Variants in ROBO2 observed in about 807,000 individuals in gnomAD.
ROBO2 encodes roundabout homolog 2.
A neutral mutation model predicts 160.8 loss-of-function variants in ROBO2; 53 were observed. That is an observed-to-expected ratio of 0.33 (90% CI 0.26 to 0.41). The LOEUF (loss-of-function observed/expected upper bound fraction) is 0.41, where lower values mean the gene tolerates loss of function less well. Among genes scored for constraint, ROBO2 ranks in the 10% least tolerant of loss-of-function variants. The probability of loss-of-function intolerance (pLI) is 1.00; values close to 1 mark genes in which losing one functional copy is unlikely to be tolerated. For missense variants in ROBO2, 1,577 were observed against 1,722.4 expected (o/e 0.92, Z 1.49); for synonymous variants, 664 against 611.7 (o/e 1.09, Z -1.26).
intron 4 of ROBO2, among the ~76,000 whole-genome samples, chr3:77,488,766 G>A (rs1050371168): frequency 1.3e-5 from 2 of 152,104 alleles, no homozygotes; most frequent in Non-Finnish European, 2.9e-5. Flanking sequence ...TTGGCTTATT[G>A]TAACGGTTGC....
At chr3:76,852,155 C>CT (rs1458057195) in intron 2 of ROBO2, among the ~76,000 whole-genome samples, 1 of 152,090 alleles carries the variant, frequency 6.6e-6, no homozygotes, top group Admixed American at 6.6e-5. Context: ...CATTGGGAAA[C>CT]TTTTTTTACA....
chr3:76,985,425 A>G (rs1240585189), intron 2 of ROBO2, among the ~76,000 whole-genome samples: 1 of 151,706 alleles, frequency 6.6e-6, no homozygotes, highest in Non-Finnish European at 1.5e-5. Flanking sequence ...TACTAAAAAT[A>G]CAAAAAATTA....
chr3:76,106,032 A>G (rs996163211), intron 2 of ROBO2, among the ~76,000 whole-genome samples: 1 of 152,182 alleles, frequency 6.6e-6, no homozygotes, highest in African/African-American at 2.4e-5. Context: ...TAGAGGTTCA[A>G]TATTCTGTGC....
intron 2 of ROBO2, among the ~76,000 whole-genome samples, chr3:77,211,052 T>A (rs1442434216): frequency 6.6e-6 from 1 of 152,160 alleles, no homozygotes; most frequent in Non-Finnish European, 1.5e-5. Context: ...TAAACATATG[T>A]GTGTGTGTGT....
intron 2 of ROBO2, among the ~76,000 whole-genome samples, chr3:76,120,107 C>G (rs558433863): frequency 6.6e-6 from 1 of 152,078 alleles, no homozygotes; most frequent in South Asian, 2.1e-4. Context: ...AGCCATTCTC[C>G]TGCTTCAGGC....
chr3:76,802,494 T>G (rs1177284714), intron 2 of ROBO2, among the ~76,000 whole-genome samples: 1 of 151,914 alleles, frequency 6.6e-6, no homozygotes, highest in Non-Finnish European at 1.5e-5. Context: ...TTTGGGAGGC[T>G]GAGGAGGGCG....
At chr3:77,066,282 T>C (rs2066830291) in intron 1 of ROBO2, among the ~76,000 whole-genome samples, 1 of 152,178 alleles carries the variant, frequency 6.6e-6, no homozygotes, top group Admixed American at 6.6e-5. Flanking sequence ...CAAGATTGCC[T>C]TTACATTCTA....
At position 76,013,223 on chromosome 3, in the gene ROBO2, G is replaced by A. The variant is rs552921679; in HGVS notation, c.109+75621G>A. Among the ~76,000 whole-genome samples the A allele has an allele frequency of 1.9e-4, 28 of 148,904 alleles. No individual in the cohort carries two copies. In the South Asian group the frequency reaches 5.4e-3, roughly 29 times the overall value. ...ATAAAGGCAATTGGTGACTGGTACG[G>A]TGGCTTATGTGTGTAATCCCAGAAG... On this transcript the variant is annotated intron_variant, in intron 2 of 26. Transcript: ENST00000487694.
intron 2 of ROBO2, among the ~76,000 whole-genome samples, chr3:76,261,084 C>A (rs933491206): frequency 1.3e-5 from 2 of 151,624 alleles, no homozygotes; most frequent in African/African-American, 4.8e-5. Flanking sequence ...AGATTTAATT[C>A]AACTTTCAGT....
chr3:77,326,605 G>T (rs2065424509), intron 2 of ROBO2, among the ~76,000 whole-genome samples: 1 of 152,130 alleles, frequency 6.6e-6, no homozygotes, highest in Admixed American at 6.5e-5. Context: ...TTTCTAGAAT[G>T]TGTCTTTGTA....
intron 24 of ROBO2, 66 bp downstream of exon 25, chr3:77,635,109 A>C (rs1435312452): frequency 1.3e-5 from 20 of 1,533,590 alleles, no homozygotes; most frequent in Non-Finnish European, 1.8e-5. Flanking sequence ...TCATTTACTT[A>C]GATTAATGTA....
chr3:76,841,750 C>T (rs931952382), intron 2 of ROBO2, among the ~76,000 whole-genome samples: 1 of 152,252 alleles, frequency 6.6e-6, no homozygotes, highest in African/African-American at 2.4e-5. Flanking sequence ...TCTAAATCCT[C>T]AAGAAGGAAG....
chr3:77,447,891 C>G lies in ROBO2; in HGVS notation c.389-29523C>G, dbSNP rs554656169. On this transcript the variant is annotated intron_variant, in intron 2 of 25. Coordinates refer to ENST00000461745, the Ensembl canonical transcript of ROBO2. The stretch of plus-strand genomic sequence containing the variant: ...TGGTGAAAAGTGGTGCAATATTGAG[C>G]TACTCAAGGTCATATGTGTGAGAAA... Among the ~76,000 whole-genome samples, 3 of 152,196 alleles carry G rather than the reference C, an allele frequency of 2.0e-5. No individual in the cohort carries two copies. In the South Asian group the frequency reaches 6.2e-4, roughly 32 times the overall value.
chr3:76,681,979 C>T (rs1320834109), intron 2 of ROBO2, among the ~76,000 whole-genome samples: 1 of 152,090 alleles, frequency 6.6e-6, no homozygotes, highest in Non-Finnish European at 1.5e-5. Flanking sequence ...TTGAAGAATA[C>T]ATTTACGGGA....
chr3:76,828,580 G>A (rs2066786177), intron 2 of ROBO2, among the ~76,000 whole-genome samples: 2 of 152,116 alleles, frequency 1.3e-5, no homozygotes, highest in African/African-American at 2.4e-5. Flanking sequence ...AGCCATGCTT[G>A]AAAGTTCATT....
At position 77,022,687 on chromosome 3, in the gene ROBO2, G is replaced by A. The variant is rs1402183234; in HGVS notation, c.110-75327G>A. Among the ~76,000 whole-genome samples, 4 of 152,176 alleles carry A rather than the reference G, an allele frequency of 2.6e-5. No individual in the cohort carries two copies. In the East Asian group the frequency reaches 5.8e-4, roughly 22 times the overall value. On this transcript the variant is annotated intron_variant, in intron 2 of 26. Coordinates refer to the ROBO2 transcript ENST00000487694. The stretch of plus-strand genomic sequence containing the variant: ...CCCTTGTTAACATGTCTTTTTCATA[G>A]GAGTGTTAGCGTTGACACTCATGAT...
chr3:76,715,295 G>A (rs267150), intron 2 of ROBO2, among the ~76,000 whole-genome samples: 69,179 of 151,882 alleles, frequency 0.46, 16,401 homozygotes, highest in Non-Finnish European at 0.53. Context: ...CTTTTGTTAC[G>A]AAGAATACCA....
chr3:76,702,115 T>A (rs2093057881), intron 2 of ROBO2, among the ~76,000 whole-genome samples: 1 of 152,078 alleles, frequency 6.6e-6, no homozygotes, highest in Non-Finnish European at 1.5e-5. Flanking sequence ...TATATTTAAA[T>A]GGAACCTATA....
intron 2 of ROBO2, among the ~76,000 whole-genome samples, chr3:76,778,755 C>G (rs2060647): frequency 6.6e-6 from 1 of 150,830 alleles, no homozygotes. Flanking sequence ...ATAAATAGCA[C>G]AAGTCCTCCA....
Sources: allele counts gnomAD v4.1 joint callset (sites outside exome capture counted in the v4.1 genomes callset), GRCh38; gene constraint gnomAD v4.1.1; transcripts MANE v1.5; gene names NCBI Gene and HGNC (gene_info 2026-07-23, HGNC 2026-07-21).